TRAPPC12: variants seen among roughly 807,000 people sequenced by gnomAD.
TRAPPC12 encodes trafficking protein particle complex subunit 12.
A neutral mutation model predicts 69.2 loss-of-function variants in TRAPPC12; 61 were observed. The observed-to-expected ratio is 0.88, with a 90% CI of 0.72 to 1.09. TRAPPC12 has a LOEUF of 1.09. Ranked by LOEUF, TRAPPC12 falls within the 50% of genes least tolerant of loss-of-function variation. The probability of loss-of-function intolerance (pLI) is 0.00; values close to 1 mark genes in which losing one functional copy is unlikely to be tolerated. For synonymous variants in TRAPPC12, 469 were observed against 438.9 expected (o/e 1.07, Z -0.86); for missense variants, 1,101 against 1,016.4 (o/e 1.08, Z -1.13).
chr2:3,405,633 A>C (rs1342370698), intron 3 of TRAPPC12, among the ~76,000 whole-genome samples: 1 of 152,200 alleles, frequency 6.6e-6, no homozygotes, highest in African/African-American at 2.4e-5. Flanking sequence ...TCTTTCCAGC[A>C]ATAACAATAA....
At chr2:3,418,829 TGACAC>T (rs1437762679) in intron 3 of TRAPPC12, among the ~76,000 whole-genome samples, 2 of 152,226 alleles carry the variant, frequency 1.3e-5, no homozygotes, top group Non-Finnish European at 2.9e-5. Context: ...TCAAATGTGA[TGACAC>T]GACACTGCTG....
intron 4 of TRAPPC12, among the ~76,000 whole-genome samples, chr2:3,422,634 G>C (rs563396928): frequency 6.5e-4 from 99 of 152,318 alleles, no homozygotes; most frequent in Middle Eastern, 3.4e-3. Context: ...GAAAGGAGCA[G>C]CTCTGGGGAG....
intron 3 of TRAPPC12, among the ~76,000 whole-genome samples, chr2:3,405,247 G>T (rs1558354966): frequency 6.6e-6 from 1 of 152,054 alleles, no homozygotes; most frequent in Non-Finnish European, 1.5e-5. Context: ...AGTCCAAAAT[G>T]CCCGCTTTGT....
chr2:3,452,624 G>A (rs907570205), intron 6 of TRAPPC12, among the ~76,000 whole-genome samples: 11 of 152,170 alleles, frequency 7.2e-5, no homozygotes, highest in African/African-American at 1.7e-4. Context: ...CATGGGCTCC[G>A]AGAGGACTTC....
At chr2:3,418,030 C>A (rs6548157) in intron 3 of TRAPPC12, among the ~76,000 whole-genome samples, 1 of 134,660 alleles carries the variant, frequency 7.4e-6, no homozygotes. Flanking sequence ...GCAATAGAGA[C>A]TCTGTCTCAA....
chr2:3,435,964 G>A (rs1663750416), intron 5 of TRAPPC12, among the ~76,000 whole-genome samples: 1 of 152,204 alleles, frequency 6.6e-6, no homozygotes, highest in South Asian at 2.1e-4. Flanking sequence ...GATATTACCT[G>A]ATAACCTTTG....
chr2:3,403,521 G>A (rs1332117282), intron 3 of TRAPPC12, among the ~76,000 whole-genome samples: 3 of 152,114 alleles, frequency 2.0e-5, no homozygotes, highest in African/African-American at 4.8e-5. Context: ...GTGAGCCACC[G>A]CACCCGACCA....
rs753554131 is a variant in TRAPPC12 at position 3,414,736 on chromosome 2, G to A, written c.1165-7145G>A. On this transcript the variant is annotated intron_variant, in intron 3 of 11. Transcript: ENST00000324266. The surrounding 1 kb of genome is among the most constrained non-coding windows in gnomAD (Gnocchi z 4.9). ...AGGGACACCATTCCCCGTCGTTGACGTGCATTCCTCTTGTTCATCGTGCGA... is the reference window on the plus strand; with the variant it reads ...AGGGACACCATTCCCCGTCGTTGACATGCATTCCTCTTGTTCATCGTGCGA... 5.9e-5 allele frequency among the ~76,000 whole-genome samples: 9 copies of A among 152,068 alleles called. No homozygotes were observed. Among genetic ancestry groups the A allele is most frequent in the Non-Finnish European group, 1.0e-4 (7 of 68,012 alleles).
At chr2:3,453,665 T>G (rs1664974097) in intron 6 of TRAPPC12, among the ~76,000 whole-genome samples, 1 of 152,204 alleles carries the variant, frequency 6.6e-6, no homozygotes, top group Non-Finnish European at 1.5e-5. Flanking sequence ...GACTGCTGAT[T>G]GGTCTCTGAT....
At chr2:3,380,108 G>A (rs567270364) in intron 1 of TRAPPC12, among the ~76,000 whole-genome samples, 1 of 152,316 alleles carries the variant, frequency 6.6e-6, no homozygotes, top group South Asian at 2.1e-4. Context: ...TCTGCAGAGG[G>A]CTGGAAGCGT....
At chr2:3,430,776 C>T (rs1277211190) in intron 5 of TRAPPC12, among the ~76,000 whole-genome samples, 2 of 152,258 alleles carry the variant, frequency 1.3e-5, no homozygotes, top group African/African-American at 4.8e-5. Flanking sequence ...ATGCCTATGT[C>T]ATTGCCAAGT....
At chr2:3,478,755 C>G (rs375562921) in intron 10 of TRAPPC12, 91 bp from the exon 11 acceptor site, 19 of 1,134,946 alleles carry the variant, frequency 1.7e-5, no homozygotes, top group Middle Eastern at 2.6e-4. Context: ...TACGCTGGGT[C>G]TCTGTGGGAT....
At chr2:3,383,704 C>G (rs535243473) in intron 1 of TRAPPC12, among the ~76,000 whole-genome samples, 4 of 152,080 alleles carry the variant, frequency 2.6e-5, no homozygotes, top group African/African-American at 9.7e-5. Flanking sequence ...CGCACCCGGC[C>G]TTCACAGTTA....
intron 5 of TRAPPC12, among the ~76,000 whole-genome samples, chr2:3,429,464 GA>G (rs1159697187): frequency 3.9e-5 from 6 of 152,112 alleles, no homozygotes; most frequent in African/African-American, 1.2e-4. Context: ...TCCAGGGACA[GA>G]AAAAAAGATA....
At chr2:3,460,904 CG>C (rs1665457547) in intron 8 of TRAPPC12, 3 of 153,084 alleles carry the variant, frequency 2.0e-5, no homozygotes, top group Non-Finnish European at 2.9e-5. Flanking sequence ...TTGTTTGGAA[CG>C]CACCCCACAC....
At chr2:3,473,448 G>A (rs763515894) in intron 9 of TRAPPC12, among the ~76,000 whole-genome samples, 5 of 152,200 alleles carry the variant, frequency 3.3e-5, no homozygotes, top group African/African-American at 4.8e-5. Context: ...AAAGTTTTCC[G>A]TGTTGGTTTT....
rs1476411971 is a variant in TRAPPC12 at position 3,388,666 on chromosome 2, T to C, written c.1043T>C (p.Ile348Thr). ...LTMPGLRFDN[I>T]QGDAVKDLML... ...ATGCCGGGCCTCAGGTTCGACAACA[T>C]CCAGGTGAGCCCGGGTCTCCCACCT... Residue 348 changes from isoleucine to threonine, a missense_variant, in exon 2 of 12, where the codon ATC (isoleucine) becomes ACC (threonine). By Grantham distance (89) the Ile-to-Thr change is moderately conservative (BLOSUM62 -1). Transcript: ENST00000324266. 2 of 1,550,742 alleles carry C rather than the reference T, an allele frequency of 1.3e-6. No homozygotes were observed. The highest frequency in any genetic ancestry group is 3.7e-5 in the Admixed American group (2 of 53,620).
intron 2 of TRAPPC12, among the ~76,000 whole-genome samples, chr2:3,398,441 G>A (rs1408013100): frequency 6.6e-6 from 1 of 152,194 alleles, no homozygotes; most frequent in Non-Finnish European, 1.5e-5. Context: ...AGCAAACACT[G>A]GATCAGAGGA....
chr2:3,465,465 C>T (rs971803578), intron 8 of TRAPPC12, 132 bp from the exon 9 acceptor site: 4 of 651,918 alleles, frequency 6.1e-6, no homozygotes, highest in Non-Finnish European at 1.1e-5. Context: ...TGGTTTCCAG[C>T]TTCCCCGCCA....
Sources: allele counts gnomAD v4.1 joint callset (sites outside exome capture counted in the v4.1 genomes callset), GRCh38; gene constraint gnomAD v4.1.1; non-coding constraint Gnocchi (gnomAD v3.1); transcripts MANE v1.5; gene names NCBI Gene and HGNC (gene_info 2026-07-23, HGNC 2026-07-21).